SLC8A3: variants seen among roughly 807,000 people sequenced by gnomAD.
The protein encoded by SLC8A3 is solute carrier family 8 member A3.
Under a neutral mutation model 65.4 loss-of-function variants are expected in SLC8A3, and 37 were observed. That is an observed-to-expected ratio of 0.57 (90% CI 0.44 to 0.74). SLC8A3 has a LOEUF of 0.74. Among genes scored for constraint, SLC8A3 ranks in the 30% least tolerant of loss-of-function variants. SLC8A3 has a pLI of 0.00. For missense variants in SLC8A3, 1,112 were observed against 1,172.1 expected (o/e 0.95, Z 0.75); for synonymous variants, 461 against 444.5 (o/e 1.04, Z -0.47).
intron 2 of SLC8A3, among the ~76,000 whole-genome samples, chr14:70,129,902 A>ACGTAC (rs1330345885): frequency 1.3e-5 from 2 of 152,248 alleles, no homozygotes; most frequent in Non-Finnish European, 2.9e-5. Flanking sequence ...CGCATCTTCT[A>ACGTAC]CGTACCTGCC....
At chr14:70,098,006 C>T (rs1892303135) in intron 2 of SLC8A3, among the ~76,000 whole-genome samples, 1 of 152,214 alleles carries the variant, frequency 6.6e-6, no homozygotes, top group Non-Finnish European at 1.5e-5. Flanking sequence ...TTCTTCTCTG[C>T]CACTATCCTG....
chr14:70,057,910 G>A lies in SLC8A3; in HGVS notation c.1888+2926C>T, dbSNP rs543713801. On this transcript the variant is annotated intron_variant, in intron 3 of 6. Coordinates refer to ENST00000356921, the MANE Select transcript of SLC8A3 (RefSeq NM_182932.3). ...TCAGAGAGAGAGAGAGAGACAGAGAGCTTTCCTTTCTATCCGAAGGCTTCC... is the reference window on the plus strand; with the variant it reads ...TCAGAGAGAGAGAGAGAGACAGAGAACTTTCCTTTCTATCCGAAGGCTTCC... Among the ~76,000 whole-genome samples the A allele has an allele frequency of 5.3e-5, 8 of 151,946 alleles. No individual in the cohort carries two copies. The South Asian group carries it at 1.7e-3, about 32-fold the overall frequency.
At chr14:70,156,100 G>A (rs528916484) in intron 2 of SLC8A3, among the ~76,000 whole-genome samples, 10 of 152,284 alleles carry the variant, frequency 6.6e-5, no homozygotes, top group South Asian at 6.2e-4. Context: ...AAAGGCCTGC[G>A]GTGGGGAGCT....
At chr14:70,183,889 A>C (rs1882962095) in intron 1 of SLC8A3, among the ~76,000 whole-genome samples, 1 of 152,188 alleles carries the variant, frequency 6.6e-6, no homozygotes, top group Non-Finnish European at 1.5e-5. Flanking sequence ...ACTCACTGCA[A>C]CCTTGGCATT....
At chr14:70,060,245 G>A (rs922233754) in intron 3 of SLC8A3, 68 of 185,684 alleles carry the variant, frequency 3.7e-4, no homozygotes, top group African/African-American at 2.4e-4. Flanking sequence ...CCTGCCAAGC[G>A]TTCAAAGGAA....
chr14:70,086,043 TC>T (rs1261888351), intron 2 of SLC8A3, among the ~76,000 whole-genome samples: 1 of 152,212 alleles, frequency 6.6e-6, no homozygotes, highest in African/African-American at 2.4e-5. Flanking sequence ...AAATTGCTTT[TC>T]AATGAAATGG....
chr14:70,080,324 G>T, intron 2 of SLC8A3: 4 of 782,936 alleles, frequency 5.1e-6, no homozygotes, highest in Non-Finnish European at 6.2e-6. Flanking sequence ...CAGCGGTGAG[G>T]ATCGGTGGCC....
chr14:70,167,301 T>C lies in SLC8A3; in HGVS notation c.1122A>G (p.Ala374=). 3.7e-6 allele frequency: 6 copies of C among 1,614,246 alleles called. No homozygotes were observed. Among genetic ancestry groups the C allele is most frequent in the Non-Finnish European group, 5.1e-6 (6 of 1,180,038 alleles). ...TGCTGGAGGCCTTCTTGGCTTGTTC[T>C]GCTGCATGTTTCTTCAGGATATTGC... is the stretch of plus-strand genomic sequence containing the variant. ...GAGNILKKHA[A]EQAKKASSMS... The change falls in exon 2 of 7, where the codon GCA becomes GCG. Residue 374 remains alanine, a synonymous_variant. Coordinates refer to ENST00000356921, the MANE Select transcript of SLC8A3 (RefSeq NM_182932.3).
At chr14:70,135,314 A>G (rs1279843299) in intron 2 of SLC8A3, among the ~76,000 whole-genome samples, 1 of 152,216 alleles carries the variant, frequency 6.6e-6, no homozygotes, top group Non-Finnish European at 1.5e-5. Context: ...TACAGCCACC[A>G]TGGAAAAAAA....
intron 3 of SLC8A3, chr14:70,055,731 T>C (rs1191098462): frequency 2.8e-6 from 4 of 1,431,820 alleles, no homozygotes; most frequent in Non-Finnish European, 3.8e-6. Flanking sequence ...AGGACATTGG[T>C]CTTAAACCAA....
chr14:70,087,520 T>C (rs1594962245), intron 2 of SLC8A3, among the ~76,000 whole-genome samples: 1 of 152,252 alleles, frequency 6.6e-6, no homozygotes, highest in Non-Finnish European at 1.5e-5. Flanking sequence ...TCCTTAATGC[T>C]CTGCCATAAA....
chr14:70,049,127 G>T, intron 5 of SLC8A3, 85 bp from the exon 6 acceptor site: 3 of 1,330,852 alleles, frequency 2.3e-6, no homozygotes, highest in Non-Finnish European at 3.1e-6. Context: ...CCGCACCACA[G>T]GCATCATCCG....
intron 2 of SLC8A3, among the ~76,000 whole-genome samples, chr14:70,098,354 T>G (rs1892332168): frequency 6.6e-6 from 1 of 152,138 alleles, no homozygotes; most frequent in Admixed American, 6.5e-5. Flanking sequence ...TTCCCCAATC[T>G]CTATCTCATT....
Position 70,091,534 on chromosome 14 carries a change from ATCAGTT to A in SLC8A3, c.1785-30601_1785-30596del, listed in dbSNP as rs1342223960. ...TGAAGCTGGTACTTGAATATCCTAT[ATCAGTT>A]TCAATCTTTCAATGTCTACTATTGA... On this transcript the variant is annotated intron_variant, in intron 2 of 6. Transcript: ENST00000356921. Among the ~76,000 whole-genome samples the A allele has an allele frequency of 3.3e-5, 5 of 152,226 alleles. No homozygotes were observed. In the East Asian group the frequency reaches 9.7e-4, roughly 29 times the overall value.
Position 70,046,358 on chromosome 14 carries a change from G to T in SLC8A3, c.2390-35C>A. The T allele has an allele frequency of 1.3e-6, 2 of 1,564,002 alleles. 1 individual carries two copies. The highest frequency in any genetic ancestry group is 2.4e-5 in the South Asian group (2 of 82,778). On this transcript the variant is annotated intron_variant, in intron 6 of 6. Transcript: ENST00000356921. The surrounding 1 kb of genome is among the most constrained non-coding windows in gnomAD (Gnocchi z 4.2). ...GACAAAGACACATGGGAACTGGTAG[G>T]AGGCTAAGGTGTGCAGGGCTTGTCT...
At chr14:70,137,651 C>A in intron 2 of SLC8A3, among the ~76,000 whole-genome samples, 1 of 152,134 alleles carries the variant, frequency 6.6e-6, no homozygotes, top group East Asian at 1.9e-4. Flanking sequence ...CTTATTTGTA[C>A]CACCTGCTCA....
intron 3 of SLC8A3, chr14:70,059,195 G>A (rs1281888705): frequency 2.0e-5 from 3 of 152,330 alleles, no homozygotes; most frequent in South Asian, 2.1e-4. Flanking sequence ...CGCAGGCACA[G>A]AAGTGGTCAG....
At chr14:70,160,759 G>A (rs1896833985) in intron 2 of SLC8A3, among the ~76,000 whole-genome samples, 1 of 151,570 alleles carries the variant, frequency 6.6e-6, no homozygotes, top group African/African-American at 2.4e-5. Context: ...TTCCTGGAGA[G>A]TTTTGCAGAT....
intron 3 of SLC8A3, among the ~76,000 whole-genome samples, chr14:70,057,524 C>T (rs907273961): frequency 6.6e-6 from 1 of 152,148 alleles, no homozygotes; most frequent in African/African-American, 2.4e-5. Context: ...TGGCCCATCC[C>T]TAGAGTAGTG....
Sources: allele counts gnomAD v4.1 joint callset (sites outside exome capture counted in the v4.1 genomes callset), GRCh38; gene constraint gnomAD v4.1.1; non-coding constraint Gnocchi (gnomAD v3.1); transcripts MANE v1.5; gene names NCBI Gene and HGNC (gene_info 2026-07-23, HGNC 2026-07-21).